ATP2B4: variants seen among roughly 807,000 people sequenced by gnomAD.
ATP2B4 encodes the protein plasma membrane calcium-transporting ATPase 4.
In ATP2B4, 39 loss-of-function variants were observed where a neutral mutation model predicts 110.3. The ratio of observed to expected loss-of-function variants is 0.35; its 90% CI spans 0.27 to 0.46. The LOEUF is 0.46. ATP2B4 is among the 20% of genes least tolerant of loss of function. The pLI, the probability that ATP2B4 is intolerant of heterozygous loss-of-function variation, is 1.00. For missense variants in ATP2B4, 1,135 were observed against 1,530.9 expected (o/e 0.74, Z 4.32); for synonymous variants, 538 against 571.7 (o/e 0.94, Z 0.84).
Position 203,699,544 on chromosome 1 carries a change from T to G in ATP2B4, c.476T>G (p.Val159Gly). The change falls in exon 4 of 21, where the codon GTG becomes GGG. Residue 159 changes from valine (V) to glycine (G), a missense_variant. By Grantham distance (109) the Val-to-Gly change is moderately radical. Around this residue, in one of 9 missense-constraint regions of ATP2B4, gnomAD observed 101 missense variants for 182.6 expected, o/e 0.55. Coordinates refer to ENST00000357681, the MANE Select transcript of ATP2B4 (RefSeq NM_001684.5). The stretch of plus-strand genomic sequence containing the variant: ...GAGGGGGCAGCCATCCTTTTCTCAG[T>G]GATCATCGTGGTGTTAGTGACTGCC... ...WIEGAAILFS[V>G]IIVVLVTAFN... The G allele has an allele frequency of 1.9e-6, 3 of 1,614,172 alleles. No homozygotes were observed. Among genetic ancestry groups the G allele is most frequent in the Non-Finnish European group, 1.7e-6 (2 of 1,180,022 alleles).
At chr1:203,727,622 T>C (rs1456726034) in intron 20 of ATP2B4, 51 bp downstream of exon 20, 1 of 1,604,634 alleles carries the variant, frequency 6.2e-7, no homozygotes, top group Non-Finnish European at 8.5e-7. Flanking sequence ...CTTCCCATCT[T>C]GGAAGGTGTT....
At chr1:203,647,874 C>T (rs1476675304) in intron 1 of ATP2B4, among the ~76,000 whole-genome samples, 5 of 152,048 alleles carry the variant, frequency 3.3e-5, no homozygotes, top group Non-Finnish European at 7.4e-5. Context: ...AGGGTCTGAT[C>T]CTGGGATGAG....
chr1:203,684,353 ATTTTTTT>A (rs56376451), intron 2 of ATP2B4, among the ~76,000 whole-genome samples: 1 of 125,438 alleles, frequency 8.0e-6, no homozygotes, highest in South Asian at 2.6e-4. Flanking sequence ...CCCCATCTCT[ATTTTTTT>A]TTTTTTTTTT....
intron 20 of ATP2B4, among the ~76,000 whole-genome samples, chr1:203,731,846 T>A (rs1256201616): frequency 7.2e-5 from 2 of 27,698 alleles, no homozygotes; most frequent in African/African-American, 1.0e-4. Flanking sequence ...CGAGACTCTG[T>A]CTCAAAAAAA....
intron 15 of ATP2B4, among the ~76,000 whole-genome samples, chr1:203,718,443 C>T (rs1302827802): frequency 2.0e-5 from 3 of 152,078 alleles, no homozygotes; most frequent in Admixed American, 1.3e-4. Flanking sequence ...GGATTACAGG[C>T]GTGTGCCACC....
chr1:203,704,467 CTTTTTTTT>C (rs35019828), intron 8 of ATP2B4, among the ~76,000 whole-genome samples: 3 of 68,792 alleles, frequency 4.4e-5, no homozygotes, highest in South Asian at 5.7e-4. Flanking sequence ...AAGGAACAGT[CTTTTTTTT>C]TTTTTTTTTT....
chr1:203,724,289 A>T (rs1288358835), intron 19 of ATP2B4, among the ~76,000 whole-genome samples: 1 of 152,076 alleles, frequency 6.6e-6, no homozygotes, highest in Non-Finnish European at 1.5e-5. Flanking sequence ...AGGCCGAGGC[A>T]GGCAGATCAC....
intron 1 of ATP2B4, among the ~76,000 whole-genome samples, 172 bp from the exon 2 acceptor site, chr1:203,682,570 G>C (rs1044072721): frequency 5.0e-5 from 7 of 141,266 alleles, no homozygotes; most frequent in African/African-American, 1.8e-4. Context: ...GAAGGAACGG[G>C]CCTCTCTTGA....
chr1:203,698,063 A>G lies in ATP2B4; in HGVS notation c.194-94A>G, dbSNP rs572339649. 62 of 1,069,048 alleles carry G rather than the reference A, an allele frequency of 5.8e-5. No individual in the cohort carries two copies. In the African/African-American group the frequency reaches 9.1e-4, roughly 16 times the overall value. The allele number at this position is 1,069,048 out of a possible 1,614,324, so 66.2% of individuals were successfully genotyped here. ...TCTCTGTTGCCCAGGCTAGAGTGTA[A>G]TGACATGATCATGGCTCACTGCCAC... On this transcript the variant is annotated intron_variant, in intron 2 of 20. Coordinates refer to ENST00000357681, the MANE Select transcript of ATP2B4 (RefSeq NM_001684.5).
intron 8 of ATP2B4, 41 bp from the exon 9 acceptor site, chr1:203,706,968 G>T: frequency 6.3e-7 from 1 of 1,575,140 alleles, no homozygotes; most frequent in Non-Finnish European, 8.7e-7. Context: ...CCCTAGGACT[G>T]CCCTCCAGCC....
At chr1:203,723,802 G>C in intron 18 of ATP2B4, 79 bp from the exon 19 acceptor site, 1 of 1,146,470 alleles carries the variant, frequency 8.7e-7, no homozygotes, top group Non-Finnish European at 1.3e-6. Context: ...GGATGATGTG[G>C]CTTTGGGGGC....
At chr1:203,639,564 G>T (rs1663564058) in intron 1 of ATP2B4, among the ~76,000 whole-genome samples, 1 of 152,202 alleles carries the variant, frequency 6.6e-6, no homozygotes, top group Non-Finnish European at 1.5e-5. Flanking sequence ...CAACTGAGCT[G>T]GTAGGGGCCT....
chr1:203,644,879 C>T (rs139415055), intron 1 of ATP2B4, among the ~76,000 whole-genome samples: 6 of 152,276 alleles, frequency 3.9e-5, no homozygotes, highest in South Asian at 2.1e-4. Flanking sequence ...GGAGCTTGTG[C>T]GGCTCCCTGC....
At chr1:203,705,018 T>C (rs1296737283) in intron 8 of ATP2B4, among the ~76,000 whole-genome samples, 1 of 152,204 alleles carries the variant, frequency 6.6e-6, no homozygotes, top group Non-Finnish European at 1.5e-5. Context: ...CAGGGATCTA[T>C]GCTGCCCACC....
chr1:203,633,440 A>C (rs1369568180), intron 1 of ATP2B4, among the ~76,000 whole-genome samples: 1 of 152,170 alleles, frequency 6.6e-6, no homozygotes, highest in African/African-American at 2.4e-5. Context: ...AGAATGGGTG[A>C]TAAAGCAAGA....
intron 1 of ATP2B4, among the ~76,000 whole-genome samples, chr1:203,633,464 A>T (rs894783189): frequency 2.0e-5 from 3 of 152,116 alleles, no homozygotes; most frequent in African/African-American, 7.2e-5. Context: ...AGTCTCAAAA[A>T]ATTAAAAAGT....
intron 1 of ATP2B4, among the ~76,000 whole-genome samples, chr1:203,649,582 G>A (rs373304078): frequency 1.3e-5 from 2 of 152,066 alleles, no homozygotes; most frequent in East Asian, 1.9e-4. Flanking sequence ...ACCAGTCTGA[G>A]TAACATGGGG....
intron 13 of ATP2B4, 70 bp downstream of exon 13, chr1:203,712,209 T>C: frequency 6.6e-7 from 1 of 1,526,230 alleles, no homozygotes; most frequent in South Asian, 1.2e-5. Flanking sequence ...ATAAGGCATC[T>C]GGGTCATGTG....
At chr1:203,687,783 CT>C (rs1184806942) in intron 2 of ATP2B4, among the ~76,000 whole-genome samples, 1 of 152,008 alleles carries the variant, frequency 6.6e-6, no homozygotes, top group African/African-American at 2.4e-5. Flanking sequence ...TTAATTATCT[CT>C]TTTGGCTGGC....
Sources: gnomAD v4.1 joint callset for allele counts (sites outside exome capture counted in the v4.1 genomes callset) on GRCh38, gnomAD v4.1.1 for gene constraint, gnomAD v4.1.1 regional missense constraint, MANE v1.5 for transcripts, NCBI Gene and HGNC (gene_info 2026-07-23, HGNC 2026-07-21) for gene names.